CFAP44: variants seen among roughly 807,000 people sequenced by gnomAD.
CFAP44 encodes the protein cilia- and flagella-associated protein 44.
A neutral mutation model predicts 216.2 loss-of-function variants in CFAP44; 134 were observed. That is an observed-to-expected ratio of 0.62 (90% CI 0.54 to 0.72). CFAP44 has a LOEUF of 0.72. CFAP44 is among the 30% of genes least tolerant of loss of function. The pLI is 0.00. For synonymous variants in CFAP44, 700 were observed against 727.6 expected (o/e 0.96, Z 0.61); for missense variants, 2,035 against 2,182.1 (o/e 0.93, Z 1.34).
chr3:113,359,607 G>T (rs192990998), intron 21 of CFAP44, among the ~76,000 whole-genome samples: 178 of 152,110 alleles, frequency 1.2e-3, no homozygotes, highest in African/African-American at 4.1e-3. Context: ...TTTTGACCTG[G>T]TTTTTTTAAC....
chr3:113,377,809 T>C (rs528438659), intron 17 of CFAP44, among the ~76,000 whole-genome samples: 5 of 152,184 alleles, frequency 3.3e-5, no homozygotes, highest in South Asian at 2.1e-4. Flanking sequence ...CCTGCTACCA[T>C]GCCCGGCTAA....
At chr3:113,318,047 T>G (rs1357186784) in intron 28 of CFAP44, among the ~76,000 whole-genome samples, 3 of 138,234 alleles carry the variant, frequency 2.2e-5, no homozygotes, top group Non-Finnish European at 3.1e-5. Context: ...CCACTACTGG[T>G]TTTTTTTTTT....
chr3:113,392,876 T>G (rs1443672136), intron 15 of CFAP44, among the ~76,000 whole-genome samples: 1 of 152,170 alleles, frequency 6.6e-6, no homozygotes, highest in Non-Finnish European at 1.5e-5. Context: ...ATCACCAAGT[T>G]CTGTCAATTC....
At chr3:113,391,401 A>T (rs190156480) in intron 15 of CFAP44, among the ~76,000 whole-genome samples, 39 of 152,276 alleles carry the variant, frequency 2.6e-4, no homozygotes, top group South Asian at 8.3e-4. Flanking sequence ...AAAAGAAAAC[A>T]TTGGGGAAAC....
At chr3:113,326,712 C>A in intron 27 of CFAP44, 72 bp from the exon 28 acceptor site, 3 of 902,090 alleles carry the variant, frequency 3.3e-6, no homozygotes, top group African/African-American at 1.7e-5. Context: ...ATGTACTTTA[C>A]AATACAAGGT....
Position 113,288,157 on chromosome 3 carries a change from A to G in CFAP44, c.*3400T>C, listed in dbSNP as rs1230445689. ...AATGCCACTTGAGACAATCTCGTTA[A>G]GTGGGGGGCCAGACCCTGGCTTTTA... On this transcript the variant is annotated 3_prime_UTR_variant, in exon 35 of 35. Coordinates refer to ENST00000393845, the MANE Select transcript of CFAP44 (RefSeq NM_001164496.2). 1 of 152,148 alleles carries G rather than the reference A, an allele frequency of 6.6e-6. No individual in the cohort carries two copies. Among genetic ancestry groups the G allele is most frequent in the African/African-American group, 2.4e-5 (1 of 41,438 alleles). 9.4% of individuals were successfully genotyped at this position (152,148 alleles called of 1,614,324 possible). A position where few individuals can be genotyped will look rare whatever the true frequency, so the allele number is the denominator to read the frequency against.
At chr3:113,426,060 T>C (rs1934951206) in intron 4 of CFAP44, 64 bp downstream of exon 4, 1 of 1,570,814 alleles carries the variant, frequency 6.4e-7, no homozygotes, top group South Asian at 1.2e-5. Context: ...GGGCTATAGT[T>C]TGCTGACCTC....
chr3:113,323,034 C>A (rs981588134), intron 28 of CFAP44, among the ~76,000 whole-genome samples: 1 of 152,202 alleles, frequency 6.6e-6, no homozygotes, highest in Admixed American at 6.5e-5. Flanking sequence ...CTCATGAGAA[C>A]TCACTCATCA....
At chr3:113,375,333 TTTATG>T (rs1480994473) in intron 17 of CFAP44, among the ~76,000 whole-genome samples, 1 of 152,174 alleles carries the variant, frequency 6.6e-6, no homozygotes, top group Admixed American at 6.5e-5. Flanking sequence ...GATGGTCAAT[TTTATG>T]TTATATGTCT....
Position 113,357,112 on chromosome 3 carries a change from A to G in CFAP44, c.3065+1633T>C, listed in dbSNP as rs141521842. ...AAATATACAAATGATTGGTACATAT[A>G]TGAAAAGGGACTGAAAATCACTCAT... On this transcript the variant is annotated intron_variant, in intron 22 of 34. Coordinates refer to ENST00000393845, the MANE Select transcript of CFAP44 (RefSeq NM_001164496.2). 1.2e-4 allele frequency among the ~76,000 whole-genome samples: 19 copies of G among 152,312 alleles called. No homozygotes were observed. In the East Asian group the frequency reaches 3.7e-3, roughly 29 times the overall value.
chr3:113,413,797 G>A (rs1934564019), intron 6 of CFAP44, among the ~76,000 whole-genome samples: 2 of 152,184 alleles, frequency 1.3e-5, no homozygotes, highest in Non-Finnish European at 2.9e-5. Flanking sequence ...GTAGTGTGAT[G>A]CCTCCAGCTT....
intron 30 of CFAP44, 143 bp downstream of exon 30, chr3:113,306,057 AG>A: frequency 1.0e-6 from 1 of 990,056 alleles, no homozygotes; most frequent in Non-Finnish European, 1.4e-6. Flanking sequence ...ACCACAATTT[AG>A]GGAGAAAAAA....
chr3:113,363,109 A>G (rs763446112), intron 21 of CFAP44, 36 bp downstream of exon 21: 1 of 1,518,896 alleles, frequency 6.6e-7, no homozygotes, highest in Non-Finnish European at 8.8e-7. Flanking sequence ...GAAATAGCAT[A>G]TGTTAAAATA....
At position 113,416,166 on chromosome 3, in the gene CFAP44, T is replaced by C. The variant is rs191966962; in HGVS notation, c.673+359A>G. Among the ~76,000 whole-genome samples the C allele has an allele frequency of 1.7e-3, 256 of 147,636 alleles. 3 individuals carry two copies. The highest frequency in any genetic ancestry group is 0.014 in the Admixed American group (210 of 14,826). The stretch of plus-strand genomic sequence containing the variant: ...AAATCTGCTTTGTCAGAGACTAAGA[T>C]TGCAACCCTTGGTGTTTTTTTGTTT... On this transcript the variant is annotated intron_variant, in intron 6 of 34. Transcript: ENST00000393845.
intron 1 of CFAP44, among the ~76,000 whole-genome samples, chr3:113,435,817 G>A (rs531641230): frequency 6.6e-6 from 1 of 151,110 alleles, no homozygotes; most frequent in African/African-American, 2.4e-5. Context: ...CATTCTTCTG[G>A]GTTACAAAAA....
intron 33 of CFAP44, among the ~76,000 whole-genome samples, chr3:113,296,205 T>G (rs897004519): frequency 1.3e-5 from 2 of 152,186 alleles, no homozygotes; most frequent in African/African-American, 2.4e-5. Flanking sequence ...GCTCCATTCG[T>G]GTTGCTGCAA....
chr3:113,366,260 C>G lies in CFAP44; in HGVS notation c.2494G>C (p.Val832Leu). The G allele has an allele frequency of 6.2e-7, 1 of 1,611,708 alleles. No homozygotes were observed. Among genetic ancestry groups the G allele is most frequent in the Non-Finnish European group, 8.5e-7 (1 of 1,178,428 alleles). ...GGATCATTTTGATTTAGGACATAGACTCGAATTGCTCCATTTTTCATTCCA... is the reference window on the plus strand; with the variant it reads ...GGATCATTTTGATTTAGGACATAGAGTCGAATTGCTCCATTTTTCATTCCA... ...FCGMKNGAIR[V>L]YVLNQNDPSL... The change falls in exon 19 of 35, where the codon GTC (valine) becomes CTC (leucine). Residue 832 changes from valine (V) to leucine (L), a missense_variant. By Grantham distance (32) the Val-to-Leu change is conservative. Coordinates refer to ENST00000393845, the MANE Select transcript of CFAP44 (RefSeq NM_001164496.2).
At chr3:113,434,601 A>G (rs1240656961) in intron 1 of CFAP44, 1 of 152,150 alleles carries the variant, frequency 6.6e-6, no homozygotes, top group Non-Finnish European at 1.5e-5. Flanking sequence ...CTTCCTTCTA[A>G]GTCTTCACTT....
At chr3:113,358,716 T>A (rs1268184248) in intron 22 of CFAP44, 29 bp downstream of exon 22, 1 of 1,535,434 alleles carries the variant, frequency 6.5e-7, no homozygotes, top group Non-Finnish European at 8.7e-7. Context: ...CTCTCAAACA[T>A]CTTAGCTTGT....
Sources: allele counts gnomAD v4.1 joint callset (sites outside exome capture counted in the v4.1 genomes callset), GRCh38; gene constraint gnomAD v4.1.1; transcripts MANE v1.5; gene names NCBI Gene and HGNC (gene_info 2026-07-23, HGNC 2026-07-21).